The following SPOCK3 variants were observed in gnomAD, a reference collection of about 807,000 sequenced individuals.
The protein encoded by SPOCK3 is testican-3.
Under a neutral mutation model 56.6 loss-of-function variants are expected in SPOCK3, and 30 were observed. The observed-to-expected ratio is 0.53, with a 90% CI of 0.40 to 0.72. SPOCK3 has a LOEUF of 0.72. Ranked by LOEUF, SPOCK3 falls within the 30% of genes least tolerant of loss-of-function variation. SPOCK3 has a pLI of 0.00. For synonymous variants in SPOCK3, 196 were observed against 183.3 expected (o/e 1.07, Z -0.56); for missense variants, 527 against 530.0 (o/e 0.99, Z 0.06).
intron 8 of SPOCK3, among the ~76,000 whole-genome samples, chr4:166,745,573 G>T (rs1488113680): frequency 6.6e-6 from 1 of 152,154 alleles, no homozygotes; most frequent in Non-Finnish European, 1.5e-5. Flanking sequence ...GGAAGAAACT[G>T]CATAAACTAA....
intron 4 of SPOCK3, among the ~76,000 whole-genome samples, chr4:166,964,338 T>G (rs1744472030): frequency 6.6e-6 from 1 of 151,826 alleles, no homozygotes; most frequent in African/African-American, 2.4e-5. Context: ...GATTAACCTA[T>G]GTTGCTATGG....
intron 6 of SPOCK3, among the ~76,000 whole-genome samples, chr4:166,818,500 A>T (rs1744601133): frequency 1.3e-5 from 2 of 152,028 alleles, no homozygotes; most frequent in Non-Finnish European, 2.9e-5. Context: ...ATTAAGTGTA[A>T]CTTACTTTCG....
chr4:166,914,252 G>T (rs117998807), intron 4 of SPOCK3, among the ~76,000 whole-genome samples: 2 of 151,696 alleles, frequency 1.3e-5, no homozygotes, highest in South Asian at 2.1e-4. Context: ...AAAATAAGAC[G>T]TATATGTCCT....
chr4:166,900,279 G>T (rs182875768), intron 5 of SPOCK3, among the ~76,000 whole-genome samples: 2 of 152,104 alleles, frequency 1.3e-5, no homozygotes, highest in African/African-American at 4.8e-5. Context: ...GTGTTGGCCG[G>T]CAAGGTAGTT....
intron 2 of SPOCK3, among the ~76,000 whole-genome samples, chr4:167,176,334 A>G (rs1730979482): frequency 6.6e-6 from 1 of 152,108 alleles, no homozygotes; most frequent in Admixed American, 6.6e-5. Flanking sequence ...TCTACCTATC[A>G]CAGATATATT....
chr4:166,942,411 G>A (rs78686651), intron 4 of SPOCK3, among the ~76,000 whole-genome samples: 15,845 of 149,160 alleles, frequency 0.11, 930 homozygotes, highest in African/African-American at 0.15. Context: ...GGGTTTCATC[G>A]TGATGGCCAG....
chr4:167,171,460 G>T (rs907961563), intron 2 of SPOCK3, among the ~76,000 whole-genome samples: 1 of 152,100 alleles, frequency 6.6e-6, no homozygotes, highest in Non-Finnish European at 1.5e-5. Context: ...TGTACAAAAG[G>T]TGCTTAAGTT....
At chr4:167,106,749 G>T (rs1237000168) in intron 2 of SPOCK3, among the ~76,000 whole-genome samples, 12 of 143,850 alleles carry the variant, frequency 8.3e-5, no homozygotes, top group Admixed American at 8.3e-4. Flanking sequence ...CAAACCTTTA[G>T]GCAGACCAAT....
chr4:167,083,915 C>T (rs1022026694), intron 2 of SPOCK3, among the ~76,000 whole-genome samples: 6 of 152,040 alleles, frequency 3.9e-5, no homozygotes, highest in Admixed American at 3.3e-4. Flanking sequence ...AATGGTACAT[C>T]GCCTGGGTAG....
intron 2 of SPOCK3, among the ~76,000 whole-genome samples, chr4:167,183,184 C>T (rs1731649649): frequency 6.6e-6 from 1 of 152,072 alleles, no homozygotes; most frequent in African/African-American, 2.4e-5. Context: ...GCCAGAAAAC[C>T]CTAATGAAAA....
chr4:166,916,233 T>C (rs1166921464), intron 4 of SPOCK3, among the ~76,000 whole-genome samples: 1 of 151,962 alleles, frequency 6.6e-6, no homozygotes, highest in Non-Finnish European at 1.5e-5. Context: ...GGCCCTAAGA[T>C]AGTTTCATAT....
intron 3 of SPOCK3, among the ~76,000 whole-genome samples, chr4:167,018,694 G>A (rs908690151): frequency 3.9e-5 from 6 of 151,926 alleles, no homozygotes; most frequent in African/African-American, 1.5e-4. Context: ...AGCAGCCTTT[G>A]AGAATCCAAT....
chr4:167,068,010 T>C (rs1756329202), intron 2 of SPOCK3, among the ~76,000 whole-genome samples: 1 of 151,786 alleles, frequency 6.6e-6, no homozygotes, highest in South Asian at 2.1e-4. Flanking sequence ...CCTCACTGTT[T>C]AATGAGTGAT....
At chr4:167,011,977 C>T (rs1321379461) in intron 3 of SPOCK3, among the ~76,000 whole-genome samples, 1 of 151,704 alleles carries the variant, frequency 6.6e-6, no homozygotes, top group East Asian at 1.9e-4. Context: ...AAATAATTTT[C>T]TACTCTCCAT....
chr4:167,204,825 A>G (rs1475236627), intron 2 of SPOCK3, among the ~76,000 whole-genome samples: 1 of 151,476 alleles, frequency 6.6e-6, no homozygotes, highest in Non-Finnish European at 1.5e-5. Context: ...AATGAAAATC[A>G]TATTTATTTA....
At chr4:167,189,756 T>G (rs1732318736) in intron 2 of SPOCK3, among the ~76,000 whole-genome samples, 1 of 145,698 alleles carries the variant, frequency 6.9e-6, no homozygotes, top group African/African-American at 2.6e-5. Context: ...TAATTGAAAG[T>G]TTGTATCCTT....
chr4:167,000,537 T>C (rs1748845979), intron 3 of SPOCK3, 74 bp from the exon 4 acceptor site: 1 of 707,558 alleles, frequency 1.4e-6, no homozygotes, highest in African/African-American at 1.8e-5. Flanking sequence ...CAAACACAAT[T>C]TGATCAGGTC....
At chr4:167,212,465 A>G (rs1734972894) in intron 2 of SPOCK3, among the ~76,000 whole-genome samples, 1 of 151,042 alleles carries the variant, frequency 6.6e-6, no homozygotes, top group African/African-American at 2.4e-5. Context: ...CTGGTCTTGA[A>G]CTCCTGACCT....
At chr4:167,219,371 CT>C (rs934461558) in intron 2 of SPOCK3, among the ~76,000 whole-genome samples, 2 of 152,106 alleles carry the variant, frequency 1.3e-5, no homozygotes, top group Admixed American at 6.6e-5. Flanking sequence ...CTATTGTACC[CT>C]ATGTAAATAT....
Sources: gnomAD v4.1 joint callset for allele counts (sites outside exome capture counted in the v4.1 genomes callset) on GRCh38, gnomAD v4.1.1 for gene constraint, MANE v1.5 for transcripts, NCBI Gene and HGNC (gene_info 2026-07-23, HGNC 2026-07-21) for gene names.